RANBP9: variants seen among roughly 807,000 people sequenced by gnomAD.
RANBP9 encodes ran-binding protein 9.
RANBP9 carries 15 observed loss-of-function variants against 84.3 expected under a neutral mutation model. The observed-to-expected ratio is 0.18, with a 90% CI of 0.12 to 0.27. The LOEUF is 0.27. RANBP9 is among the 10% of genes least tolerant of loss of function. RANBP9 has a pLI of 1.00. For missense variants in RANBP9, 809 were observed against 912.8 expected (o/e 0.89, Z 1.46); for synonymous variants, 392 against 349.6 (o/e 1.12, Z -1.35).
chr6:13,704,344 T>G (rs1758046334), intron 1 of RANBP9, among the ~76,000 whole-genome samples: 2 of 152,180 alleles, frequency 1.3e-5, no homozygotes, highest in Admixed American at 1.3e-4. Flanking sequence ...GGCTCCTAAC[T>G]GGGCCAGGTA....
At chr6:13,696,280 G>T (rs1032588526) in intron 2 of RANBP9, among the ~76,000 whole-genome samples, 1 of 152,084 alleles carries the variant, frequency 6.6e-6, no homozygotes, top group African/African-American at 2.4e-5. Flanking sequence ...ATAAAATTTG[G>T]TTCCAGGCCC....
chr6:13,706,360 G>T (rs1179666474), intron 1 of RANBP9, among the ~76,000 whole-genome samples: 1 of 151,300 alleles, frequency 6.6e-6, no homozygotes, highest in African/African-American at 2.4e-5. Flanking sequence ...CAACAAAAAA[G>T]TTCAACCTAT....
At chr6:13,646,316 G>A (rs1765173417) in intron 5 of RANBP9, among the ~76,000 whole-genome samples, 1 of 152,194 alleles carries the variant, frequency 6.6e-6, no homozygotes, top group Non-Finnish European at 1.5e-5. Context: ...GGCTGAGGAA[G>A]GATAATCGCT....
chr6:13,657,026 C>T (rs1584926694), intron 4 of RANBP9, 83 bp downstream of exon 4: 2 of 1,293,976 alleles, frequency 1.5e-6, no homozygotes, highest in East Asian at 4.9e-5. Flanking sequence ...AAAGGAGAAT[C>T]ACATAATAAA....
At chr6:13,643,126 A>G (rs185634784) in intron 6 of RANBP9, among the ~76,000 whole-genome samples, 348 of 152,346 alleles carry the variant, frequency 2.3e-3, no homozygotes, top group African/African-American at 7.8e-3. Context: ...ACAATCTTCC[A>G]GAACATGTCT....
At chr6:13,660,983 A>G (rs987624205) in intron 2 of RANBP9, among the ~76,000 whole-genome samples, 1 of 152,220 alleles carries the variant, frequency 6.6e-6, no homozygotes, top group Admixed American at 6.5e-5. Flanking sequence ...TGAGTCTATG[A>G]GCACTCAATA....
chr6:13,655,653 TC>T (rs1324407360), intron 4 of RANBP9, among the ~76,000 whole-genome samples: 7 of 152,124 alleles, frequency 4.6e-5, no homozygotes, highest in African/African-American at 1.7e-4. Context: ...TTGTCTTATC[TC>T]CCAAAATGAA....
chr6:13,701,673 G>A (rs1020721737), intron 1 of RANBP9, among the ~76,000 whole-genome samples: 1 of 151,994 alleles, frequency 6.6e-6, no homozygotes, highest in Non-Finnish European at 1.5e-5. Context: ...GGGAGGCTGA[G>A]GCGGAAGAAT....
chr6:13,634,466 T>A lies in RANBP9; in HGVS notation c.1760A>T (p.His587Leu). 6.2e-7 allele frequency: 1 copy of A among 1,613,832 alleles called. No homozygotes were observed. Among genetic ancestry groups the A allele is most frequent in the Non-Finnish European group, 8.5e-7 (1 of 1,179,810 alleles). ...GTCACAATCTTCCATTTCGTGGTCA[T>A]GTTTAGAGCTACCATTTAGGAAACC... The part of the protein sequence containing the change: ...SNGFLNGSSK[H>L]DHEMEDCDTE... Residue 587 changes from histidine (H) to leucine (L), a missense_variant, in exon 11 of 14, where the codon CAT becomes CTT. Around this residue, in one of 5 missense-constraint regions of RANBP9, gnomAD observed 233 missense variants for 234.4 expected, o/e 0.99. Transcript: ENST00000011619.
chr6:13,700,284 T>C (rs1757934331), intron 1 of RANBP9, among the ~76,000 whole-genome samples: 1 of 152,166 alleles, frequency 6.6e-6, no homozygotes, highest in Non-Finnish European at 1.5e-5. Context: ...TCAGTAGCCC[T>C]CAATACAACT....
chr6:13,703,787 G>A (rs911193360), intron 1 of RANBP9, among the ~76,000 whole-genome samples: 1 of 152,216 alleles, frequency 6.6e-6, no homozygotes, highest in East Asian at 1.9e-4. Context: ...ATTAAGACCA[G>A]TTAGAGTCCC....
intron 2 of RANBP9, among the ~76,000 whole-genome samples, chr6:13,690,293 A>G (rs1766294418): frequency 6.6e-6 from 1 of 152,210 alleles, no homozygotes; most frequent in South Asian, 2.1e-4. Flanking sequence ...TGTTCAACAT[A>G]TATTTGTTAA....
At chr6:13,658,745 T>C (rs761805679) in intron 3 of RANBP9, 35 bp downstream of exon 3, 4 of 1,498,662 alleles carry the variant, frequency 2.7e-6, no homozygotes, top group Non-Finnish European at 1.9e-6. Flanking sequence ...GAGCTACTCA[T>C]AAGACATAAT....
intron 12 of RANBP9, among the ~76,000 whole-genome samples, chr6:13,629,614 G>C (rs541253385): frequency 8.5e-5 from 13 of 152,156 alleles, no homozygotes; most frequent in African/African-American, 3.1e-4. Flanking sequence ...AGTTACTAAA[G>C]GGTCCTTGCA....
intron 2 of RANBP9, among the ~76,000 whole-genome samples, chr6:13,681,910 G>C (rs1766050048): frequency 6.6e-6 from 1 of 151,990 alleles, no homozygotes; most frequent in African/African-American, 2.4e-5. Context: ...CCAGGCCAGA[G>C]TGCAGTGAAG....
rs1447296729 is a variant in RANBP9 at position 13,634,528 on chromosome 6, A to G, written c.1698T>C (p.Asp566=). ...TTTCTCCAACTCCATTGGAGTAGTG[A>G]TCTGTTTCCATGTCTACATCATTAC... The part of the protein sequence containing the change: ...FTSNDVDMET[D]HYSNGVGETS... Residue 566 remains aspartate (D), a synonymous_variant, in exon 11 of 14, where the codon GAT becomes GAC. Coordinates refer to ENST00000011619, the MANE Select transcript of RANBP9 (RefSeq NM_005493.3). 3.1e-6 allele frequency: 5 copies of G among 1,612,950 alleles called. No individual in the cohort carries two copies. The highest frequency in any genetic ancestry group is 2.5e-6 in the Non-Finnish European group (3 of 1,179,180).
chr6:13,709,362 C>A (rs898296290), intron 1 of RANBP9, among the ~76,000 whole-genome samples: 1 of 151,984 alleles, frequency 6.6e-6, no homozygotes, highest in East Asian at 1.9e-4. Context: ...CTCAGGAAAT[C>A]TAGAATTCTT....
intron 10 of RANBP9, 121 bp downstream of exon 10, chr6:13,637,687 C>CT: frequency 2.0e-6 from 2 of 1,005,510 alleles, no homozygotes; most frequent in Non-Finnish European, 2.8e-6. Flanking sequence ...TCTCTGGGGG[C>CT]TTAAGAACTC....
intron 8 of RANBP9, among the ~76,000 whole-genome samples, chr6:13,639,955 T>A (rs1765025767): frequency 6.6e-6 from 1 of 152,184 alleles, no homozygotes; most frequent in African/African-American, 2.4e-5. Flanking sequence ...TACAATGTAA[T>A]AGACACTATA....
Sources: gnomAD v4.1 joint callset for allele counts (sites outside exome capture counted in the v4.1 genomes callset) on GRCh38, gnomAD v4.1.1 for gene constraint, gnomAD v4.1.1 regional missense constraint, MANE v1.5 for transcripts, NCBI Gene and HGNC (gene_info 2026-07-23, HGNC 2026-07-21) for gene names.